CCDC50: variants seen among roughly 807,000 people sequenced by gnomAD.
CCDC50 encodes coiled-coil domain-containing protein 50.
A neutral mutation model predicts 70.2 loss-of-function variants in CCDC50; 54 were observed. The ratio of observed to expected loss-of-function variants is 0.77; its 90% confidence interval spans 0.62 to 0.96. The LOEUF is 0.96. Ranked by LOEUF, CCDC50 falls within the 50% of genes least tolerant of loss-of-function variation. The probability of loss-of-function intolerance (pLI) is 0.00; values close to 1 mark genes in which losing one functional copy is unlikely to be tolerated. For synonymous variants in CCDC50, 216 were observed against 198.8 expected (o/e 1.09, Z -0.73); for missense variants, 558 against 578.7 (o/e 0.96, Z 0.37).
At chr3:191,334,704 C>G (rs1342136130) in intron 1 of CCDC50, among the ~76,000 whole-genome samples, 1 of 152,126 alleles carries the variant, frequency 6.6e-6, no homozygotes, top group Non-Finnish European at 1.5e-5. Context: ...TCCTCCTTCC[C>G]TCTCTTCCCC....
Position 191,361,081 on chromosome 3 carries a change from CTG to C in CCDC50, c.255_256del (p.Cys85Ter). 6.2e-7 allele frequency: 1 copy of C among 1,613,286 alleles called. No homozygotes were observed. Among genetic ancestry groups the C allele is most frequent in the Non-Finnish European group, 8.5e-7 (1 of 1,179,338 alleles). The part of the protein sequence containing the change: ...KRYKDLEQQD[C>X]EIAQEIQEKL... ...CTTTGCTTTTTAGTGAACAACAAGA[CTG>C]TGAAATTGCTCAGGAAATTCAGGAG... On this transcript the variant is annotated frameshift_variant, in exon 4 of 12. Transcript: ENST00000392455. LOFTEE classifies it high-confidence loss of function.
intron 5 of CCDC50, among the ~76,000 whole-genome samples, chr3:191,370,731 C>T (rs920135358): frequency 1.1e-4 from 17 of 151,976 alleles, no homozygotes; most frequent in African/African-American, 7.2e-5. Context: ...TCAAGTAATC[C>T]GCCCACATCA....
At chr3:191,387,116 AG>A (rs1713522813) in intron 10 of CCDC50, among the ~76,000 whole-genome samples, 1 of 152,228 alleles carries the variant, frequency 6.6e-6, no homozygotes, top group Non-Finnish European at 1.5e-5. Context: ...GGTACACATC[AG>A]TCAACAAGAA....
Position 191,396,398 on chromosome 3 carries a change from T to C in CCDC50, c.*4638T>C, listed in dbSNP as rs1713858243. On this transcript the variant is annotated 3_prime_UTR_variant, in exon 12 of 12. Transcript: ENST00000392455. Reference sequence around the variant, plus strand: ...GCTGATCTGTAACACAATAAATACATAATTTTATTTCATGTTGTCTGTCCA... The same window carrying C: ...GCTGATCTGTAACACAATAAATACACAATTTTATTTCATGTTGTCTGTCCA... 6.6e-6 allele frequency: 1 copy of C among 152,182 alleles called. No individual in the cohort carries two copies. The highest frequency in any genetic ancestry group is 2.4e-5 in the African/African-American group (1 of 41,452). The allele number at this position is 152,182 out of a possible 1,614,324, so 9.4% of individuals were successfully genotyped here. A position where few individuals can be genotyped will look rare whatever the true frequency, so the allele number is the denominator to read the frequency against.
intron 1 of CCDC50, among the ~76,000 whole-genome samples, chr3:191,353,855 T>G (rs879641935): frequency 5.1e-5 from 5 of 98,338 alleles, no homozygotes; most frequent in Non-Finnish European, 1.3e-4. Context: ...CTCATAATCA[T>G]TGAAAATCTT....
chr3:191,368,270 CTTATG>C (rs10592106), intron 4 of CCDC50, among the ~76,000 whole-genome samples: 2,041 of 152,018 alleles, frequency 0.013, 49 homozygotes, highest in African/African-American at 0.046. Context: ...GAAAAGTATA[CTTATG>C]TTAAGTAGGA....
chr3:191,353,728 C>A lies in CCDC50; in HGVS notation c.50-3360C>A, dbSNP rs1273565399. ...GGTTCAGAAGAAATTATATATTGGG[C>A]AAGTAATATTTCAGTATAAATGAGA... is the stretch of plus-strand genomic sequence containing the variant. On this transcript the variant is annotated intron_variant, in intron 1 of 11. Transcript: ENST00000392455. Among the ~76,000 whole-genome samples the A allele has an allele frequency of 1.4e-5, 2 of 141,304 alleles. 1 individual carries two copies. Among genetic ancestry groups the A allele is most frequent in the African/African-American group, 5.1e-5 (2 of 39,576 alleles). 92.7% of individuals were successfully genotyped at this position (141,304 alleles called of 152,430 possible).
In CCDC50 at chr3:191,394,993, AT is replaced by A. The variant is rs1713816986; in HGVS notation, c.*3235del. 6.6e-6 allele frequency: 1 copy of A among 152,208 alleles called. No homozygotes were observed. Among genetic ancestry groups the A allele is most frequent in the Admixed American group, 6.5e-5 (1 of 15,288 alleles). 9.4% of individuals were successfully genotyped at this position (152,208 alleles called of 1,614,324 possible). On this transcript the variant is annotated 3_prime_UTR_variant, in exon 12 of 12. Transcript: ENST00000392455. ...TAAATTACAAAAGCAGAAAATGAAAATTAACCCTAGGTGTTCTGATGATAGA... is the reference window on the plus strand; with the variant it reads ...TAAATTACAAAAGCAGAAAATGAAAATAACCCTAGGTGTTCTGATGATAGA...
At position 191,353,812 on chromosome 3, in the gene CCDC50, A is replaced by G. The variant is rs1712181919; in HGVS notation, c.50-3276A>G. Reference sequence around the variant, plus strand: ...GGGCAAAGTCAGTGTATTTGACAATACAACTCTCTGTGTGTATGTGTTCAT... The same window carrying G: ...GGGCAAAGTCAGTGTATTTGACAATGCAACTCTCTGTGTGTATGTGTTCAT... On this transcript the variant is annotated intron_variant, in intron 1 of 11. Transcript: ENST00000392455. Among the ~76,000 whole-genome samples, 2 of 99,650 alleles carry G rather than the reference A, an allele frequency of 2.0e-5. 1 individual carries two copies. Among genetic ancestry groups the G allele is most frequent in the Non-Finnish European group, 5.0e-5 (2 of 39,768 alleles). The allele number at this position is 99,650 out of a possible 152,430, so 65.4% of individuals were successfully genotyped here.
chr3:191,367,019 G>A (rs1296470982), intron 4 of CCDC50, among the ~76,000 whole-genome samples: 1 of 152,068 alleles, frequency 6.6e-6, no homozygotes, highest in Non-Finnish European at 1.5e-5. Context: ...GAGGAGAACG[G>A]ACTTGTGCTA....
At chr3:191,356,195 A>G (rs1158625742) in intron 1 of CCDC50, among the ~76,000 whole-genome samples, 1 of 152,348 alleles carries the variant, frequency 6.6e-6, no homozygotes, top group South Asian at 2.1e-4. Context: ...TCCTTAAAAC[A>G]GCACTTTACA....
Position 191,375,082 on chromosome 3 carries a change from G to A in CCDC50, c.469G>A (p.Ala157Thr), listed in dbSNP as rs543189163. ...EDGDQPGSRRARELGSGFSRP... is the reference protein window; with the variant it reads ...EDGDQPGSRRTRELGSGFSRP... ...CTCAGACCAACCAGGGTCAAGGAGG[G>A]CCAGGGAATTGGGTTCTGGATTCTC... is the stretch of plus-strand genomic sequence containing the variant. Residue 157 changes from alanine (A) to threonine (T), a missense_variant, in exon 6 of 12, where the codon GCC (alanine) becomes ACC (threonine). Physicochemically the swap from Ala to Thr is moderately conservative, Grantham distance 58. Transcript: ENST00000392455. The A allele has an allele frequency of 6.2e-7, 1 of 1,613,442 alleles. No homozygotes were observed. Among genetic ancestry groups the A allele is most frequent in the African/African-American group, 1.3e-5 (1 of 74,988 alleles).
chr3:191,386,541 A>G (rs1713503887), intron 10 of CCDC50, among the ~76,000 whole-genome samples: 1 of 152,132 alleles, frequency 6.6e-6, no homozygotes, highest in African/African-American at 2.4e-5. Flanking sequence ...GTTTAATAAT[A>G]TAGATTCTTC....
intron 5 of CCDC50, among the ~76,000 whole-genome samples, chr3:191,370,939 T>C (rs184244293): frequency 1.3e-5 from 2 of 152,214 alleles, no homozygotes; most frequent in Non-Finnish European, 2.9e-5. Flanking sequence ...GTGTGGAAAA[T>C]GGTCGATGAG....
intron 1 of CCDC50, among the ~76,000 whole-genome samples, chr3:191,338,192 T>G (rs1711581320): frequency 1.3e-5 from 2 of 152,252 alleles, no homozygotes; most frequent in South Asian, 4.1e-4. Flanking sequence ...TTTTGTTTAT[T>G]GACTATGGAG....
intron 11 of CCDC50, among the ~76,000 whole-genome samples, chr3:191,390,351 C>A (rs956078172): frequency 3.4e-5 from 1 of 29,784 alleles, no homozygotes; most frequent in African/African-American, 1.2e-4. Flanking sequence ...CTCAATTGGA[C>A]GAAACCTTTA....
chr3:191,372,497 GTCCTTT>G (rs1218812593), intron 5 of CCDC50, among the ~76,000 whole-genome samples: 1 of 152,068 alleles, frequency 6.6e-6, no homozygotes, highest in Non-Finnish European at 1.5e-5. Flanking sequence ...CTTTGCAGTG[GTCCTTT>G]TCCAACACAC....
intron 10 of CCDC50, among the ~76,000 whole-genome samples, chr3:191,383,206 T>G (rs1713378460): frequency 6.6e-6 from 1 of 152,170 alleles, no homozygotes; most frequent in South Asian, 2.1e-4. Context: ...GCATGCCATT[T>G]GCACATGCTC....
chr3:191,389,370 TG>T, intron 10 of CCDC50, 125 bp from the exon 11 acceptor site: 1 of 806,184 alleles, frequency 1.2e-6, no homozygotes, highest in Non-Finnish European at 2.2e-6. Flanking sequence ...AACTACAGTG[TG>T]AATTCTGAAG....
Sources: allele counts gnomAD v4.1 joint callset (sites outside exome capture counted in the v4.1 genomes callset), GRCh38; gene constraint gnomAD v4.1.1; transcripts MANE v1.5; gene names NCBI Gene and HGNC (gene_info 2026-07-23, HGNC 2026-07-21).